CACNA2D2: variants seen among roughly 807,000 people sequenced by gnomAD.
CACNA2D2 encodes calcium voltage-gated channel auxiliary subunit alpha2delta 2.
In CACNA2D2, 48 loss-of-function variants were observed where a neutral mutation model predicts 166.4. The ratio of observed to expected loss-of-function variants is 0.29; its 90% CI spans 0.23 to 0.37. CACNA2D2 has a LOEUF of 0.37. CACNA2D2 is among the 10% of genes least tolerant of loss of function. The pLI is 1.00. For synonymous variants in CACNA2D2, 561 were observed against 573.7 expected (o/e 0.98, Z 0.32); for missense variants, 1,122 against 1,433.0 (o/e 0.78, Z 3.50).
intron 3 of CACNA2D2, among the ~76,000 whole-genome samples, chr3:50,421,390 T>A (rs1707555173): frequency 6.6e-6 from 1 of 151,964 alleles, no homozygotes; most frequent in Non-Finnish European, 1.5e-5. Flanking sequence ...GTGCTTCTGG[T>A]GCAACTGGTG....
At chr3:50,480,334 T>C (rs2107110559) in intron 1 of CACNA2D2, among the ~76,000 whole-genome samples, 1 of 152,270 alleles carries the variant, frequency 6.6e-6, no homozygotes, top group Non-Finnish European at 1.5e-5. Flanking sequence ...ACTGGCTGAA[T>C]AGTTTTTAAT....
At chr3:50,439,432 A>G (rs1039696992) in intron 2 of CACNA2D2, among the ~76,000 whole-genome samples, 1 of 152,256 alleles carries the variant, frequency 6.6e-6, no homozygotes, top group Non-Finnish European at 1.5e-5. Flanking sequence ...GATTTGACGC[A>G]GGCTTGGCCC....
rs118011895 is a variant in CACNA2D2 at position 50,493,488 on chromosome 3, T to G, written c.206+9730A>C. Among the ~76,000 whole-genome samples, 19 of 152,312 alleles carry G rather than the reference T, an allele frequency of 1.2e-4. No individual in the cohort carries two copies. In the East Asian group the frequency reaches 3.1e-3, roughly 25 times the overall value. Reference sequence around the variant, plus strand: ...AGCTGTGGCAGCCATCTTGTTGCCATGCAGTAAGTTGGCCAAGGACAGACA... The same window carrying G: ...AGCTGTGGCAGCCATCTTGTTGCCAGGCAGTAAGTTGGCCAAGGACAGACA... On this transcript the variant is annotated intron_variant, in intron 1 of 37. Transcript: ENST00000424201.
intron 3 of CACNA2D2, among the ~76,000 whole-genome samples, chr3:50,418,351 C>G (rs1204727326): frequency 6.6e-6 from 1 of 152,214 alleles, no homozygotes; most frequent in Non-Finnish European, 1.5e-5. Context: ...ACTGCTCTTT[C>G]TACCTTCTTG....
rs1705253387 is a variant in CACNA2D2, at chr3:50,380,660, A to C, written c.842+88T>G. 8 of 1,089,210 alleles carry C rather than the reference A, an allele frequency of 7.3e-6. No homozygotes were observed. The South Asian group carries it at 1.2e-4, about 16-fold the overall frequency. 67.5% of individuals were successfully genotyped at this position (1,089,210 alleles called of 1,614,324 possible). On this transcript the variant is annotated intron_variant, in intron 8 of 37. Transcript: ENST00000424201. The surrounding 1 kb of genome is among the most constrained non-coding windows in gnomAD (Gnocchi z 4.9). The stretch of plus-strand genomic sequence containing the variant: ...ATACAGCTGGCTGCGCCCTGCTAGG[A>C]GGCTTGGAAATGGGGAGGGAGGGGA...
Position 50,365,592 on chromosome 3 carries a change from G to T in CACNA2D2, c.2971+41C>A. 6.4e-7 allele frequency: 1 copy of T among 1,574,792 alleles called. No individual in the cohort carries two copies. On this transcript the variant is annotated intron_variant, in intron 34 of 37. Transcript: ENST00000424201. This position sits in a 1 kb window ranked among gnomAD's most constrained non-coding sequence, Gnocchi z 4.5. ...CATGGAGTCGTCTTAGCTCAGATTG[G>T]GGACCCGGACTTGAGGAGGCGCCTC...
At position 50,457,251 on chromosome 3, in the gene CACNA2D2, AAAAC is replaced by A. The variant is rs940141989; in HGVS notation, c.288+18863_288+18866del. On this transcript the variant is annotated intron_variant, in intron 2 of 37. Transcript: ENST00000424201. ...GGTGACAGAGTAAGACTCTGTCTCA[AAAAC>A]AAACAAACAAACAAACAGAAACAAA... 5.1e-4 allele frequency among the ~76,000 whole-genome samples: 78 copies of A among 152,228 alleles called. 1 individual carries two copies. Among genetic ancestry groups the A allele is most frequent in the South Asian group, 8.3e-4 (4 of 4,810 alleles).
intron 4 of CACNA2D2, among the ~76,000 whole-genome samples, chr3:50,391,546 C>T (rs983709585): frequency 2.0e-5 from 3 of 152,210 alleles, no homozygotes; most frequent in Admixed American, 6.5e-5. Flanking sequence ...TCCCTGGTGT[C>T]CAAGGGTCTG....
At chr3:50,468,150 G>A (rs1375105868) in intron 2 of CACNA2D2, among the ~76,000 whole-genome samples, 1 of 152,152 alleles carries the variant, frequency 6.6e-6, no homozygotes, top group Non-Finnish European at 1.5e-5. Flanking sequence ...TCAGCCCTCT[G>A]TCCCCAAGCC....
chr3:50,494,445 C>G (rs983902097), intron 1 of CACNA2D2, among the ~76,000 whole-genome samples: 5 of 152,276 alleles, frequency 3.3e-5, no homozygotes, highest in Admixed American at 6.5e-5. Flanking sequence ...CCTCTACCAT[C>G]TCAGGAATAC....
intron 2 of CACNA2D2, among the ~76,000 whole-genome samples, chr3:50,465,461 G>A (rs1559975479): frequency 6.6e-6 from 1 of 152,190 alleles, no homozygotes; most frequent in Non-Finnish European, 1.5e-5. Flanking sequence ...AGGGCCAGGG[G>A]TCTTTGAGGG....
In CACNA2D2 at chr3:50,367,687, A is replaced by T; in HGVS notation, c.2252T>A (p.Val751Glu). ...QDLNTYSLLA[V>E]FAATDGGITR... ...GATGCCACCGTCTGTGGCAGCGAAC[A>T]CGGCCAGTAGGCTGTACCTGGGGGT... The change falls in exon 26 of 38, where the codon GTG becomes GAG. Residue 751 changes from valine to glutamate, a missense_variant. By Grantham distance (121) the Val-to-Glu change is moderately radical. This residue lies in a region of CACNA2D2 where 840 missense variants were observed against 1,166.8 expected (regional missense o/e 0.72). Coordinates refer to ENST00000424201, the MANE Select transcript of CACNA2D2 (RefSeq NM_006030.4). This position sits in a 1 kb window ranked among gnomAD's most constrained non-coding sequence, Gnocchi z 6.5. 3 of 1,612,428 alleles carry T rather than the reference A, an allele frequency of 1.9e-6. No individual in the cohort carries two copies. The highest frequency in any genetic ancestry group is 2.5e-6 in the Non-Finnish European group (3 of 1,178,982).
At chr3:50,453,386 C>A (rs1484824322) in intron 2 of CACNA2D2, among the ~76,000 whole-genome samples, 1 of 152,206 alleles carries the variant, frequency 6.6e-6, no homozygotes, top group Non-Finnish European at 1.5e-5. Context: ...TAGGACAGAG[C>A]GATTTCGGAC....
chr3:50,366,554 A>C lies in CACNA2D2; in HGVS notation c.2637+24T>G, dbSNP rs1704304324. 6.2e-7 allele frequency: 1 copy of C among 1,613,242 alleles called. No individual in the cohort carries two copies. Among genetic ancestry groups the C allele is most frequent in the African/African-American group, 1.3e-5 (1 of 75,020 alleles). The stretch of plus-strand genomic sequence containing the variant: ...CTGGAAGTGGGGTAAGCTAGGGTCC[A>C]GGGTAGGTTCAGGGCACACACACCT... On this transcript the variant is annotated intron_variant, in intron 30 of 37. Coordinates refer to ENST00000424201, the MANE Select transcript of CACNA2D2 (RefSeq NM_006030.4). This position sits in a 1 kb window ranked among gnomAD's most constrained non-coding sequence, Gnocchi z 5.9.
chr3:50,450,060 G>C (rs1432243255), intron 2 of CACNA2D2, among the ~76,000 whole-genome samples: 6 of 152,138 alleles, frequency 3.9e-5, no homozygotes, highest in African/African-American at 9.7e-5. Flanking sequence ...CCACAGAAGG[G>C]GGCAAGCTAA....
intron 1 of CACNA2D2, among the ~76,000 whole-genome samples, chr3:50,502,102 A>G (rs1362100651): frequency 6.6e-6 from 1 of 152,138 alleles, no homozygotes; most frequent in Non-Finnish European, 1.5e-5. Context: ...TGGCAGAACC[A>G]GGGGCTCTTA....
intron 2 of CACNA2D2, among the ~76,000 whole-genome samples, chr3:50,437,138 C>T (rs1436241567): frequency 2.0e-5 from 3 of 152,212 alleles, no homozygotes; most frequent in African/African-American, 7.2e-5. Context: ...GCTGCATGAG[C>T]CCTCGGGGCC....
At position 50,427,389 on chromosome 3, in the gene CACNA2D2, G is replaced by C. The variant is rs539218524; in HGVS notation, c.405+6924C>G. On this transcript the variant is annotated intron_variant, in intron 3 of 37. Transcript: ENST00000424201. This position sits in a 1 kb window ranked among gnomAD's most constrained non-coding sequence, Gnocchi z 4.7. ...GCTCCTGTGGGCGGCAACTTGCCAG[G>C]AAGCAGCGGCACTGTTTGGGTGAGG... Among the ~76,000 whole-genome samples, 2 of 152,370 alleles carry C rather than the reference G, an allele frequency of 1.3e-5. No individual in the cohort carries two copies. Among genetic ancestry groups the C allele is most frequent in the South Asian group, 4.1e-4 (2 of 4,832 alleles).
intron 3 of CACNA2D2, among the ~76,000 whole-genome samples, chr3:50,429,634 G>GT (rs1559939378): frequency 6.7e-6 from 1 of 149,618 alleles, no homozygotes; most frequent in East Asian, 2.0e-4. Flanking sequence ...GCCAGGCGTG[G>GT]TGGCAGGCAC....
Sources: gnomAD v4.1 joint callset for allele counts (sites outside exome capture counted in the v4.1 genomes callset) on GRCh38, gnomAD v4.1.1 for gene constraint, gnomAD v4.1.1 regional missense constraint, Gnocchi (gnomAD v3.1) non-coding constraint, MANE v1.5 for transcripts, NCBI Gene and HGNC (gene_info 2026-07-23, HGNC 2026-07-21) for gene names.